PLCXD2: variants seen among roughly 807,000 people sequenced by gnomAD.
PLCXD2 encodes PI-PLC X domain-containing protein 2.
In PLCXD2, 21 loss-of-function variants were observed where a neutral mutation model predicts 28.6. That is an observed-to-expected ratio of 0.73 (90% CI 0.52 to 1.06). The LOEUF is 1.06. Among genes scored for constraint, PLCXD2 ranks in the 50% least tolerant of loss-of-function variants. The pLI, the probability that PLCXD2 is intolerant of heterozygous loss-of-function variation, is 0.00. For missense variants in PLCXD2, 369 were observed against 376.7 expected, an observed-to-expected ratio of 0.98 and a Z score of 0.17; for synonymous variants, 140 against 150.1, an observed-to-expected ratio of 0.93 and a Z score of 0.49.
At chr3:111,707,387 T>C (rs1336705348) in intron 1 of PLCXD2, among the ~76,000 whole-genome samples, 1 of 152,228 alleles carries the variant, frequency 6.6e-6, no homozygotes, top group Admixed American at 6.5e-5. Context: ...AATCCCTTTC[T>C]CGGCATTGTT....
At chr3:111,719,705 GA>G (rs993849182) in intron 3 of PLCXD2, among the ~76,000 whole-genome samples, 13 of 151,526 alleles carry the variant, frequency 8.6e-5, no homozygotes, top group East Asian at 1.9e-4. Context: ...ATCTACAGTG[GA>G]AAAAAAAATC....
intron 1 of PLCXD2, among the ~76,000 whole-genome samples, chr3:111,684,466 C>G (rs1940764364): frequency 6.6e-6 from 1 of 151,870 alleles, no homozygotes; most frequent in Non-Finnish European, 1.5e-5. Context: ...CTAGCCTGGC[C>G]AACATGGTGA....
chr3:111,696,474 C>T (rs953891413), intron 1 of PLCXD2, among the ~76,000 whole-genome samples: 2 of 152,012 alleles, frequency 1.3e-5, no homozygotes, highest in Non-Finnish European at 2.9e-5. Flanking sequence ...ATTAGGAAAA[C>T]TAAATTTGAC....
chr3:111,685,070 C>T (rs897170026), intron 1 of PLCXD2, among the ~76,000 whole-genome samples: 1 of 152,032 alleles, frequency 6.6e-6, no homozygotes, highest in Non-Finnish European at 1.5e-5. Context: ...ATTTGAGGCA[C>T]CTGTGGGACA....
In PLCXD2 at chr3:111,675,208, G is replaced by A; in HGVS notation, c.-38G>A. On this transcript the variant is annotated 5_prime_UTR_variant, in exon 1 of 5. Transcript: ENST00000477665. ...AGAAGTGATGATCACTGAGTGAGTG[G>A]CACTGGGCTGAGACTGGCCAGTTTG... The A allele has an allele frequency of 1.3e-6, 2 of 1,599,946 alleles. No individual in the cohort carries two copies. The highest frequency in any genetic ancestry group is 1.7e-6 in the Non-Finnish European group (2 of 1,170,092).
At chr3:111,718,519 AGATAGATAGATAGATT>A (rs754846239) in intron 3 of PLCXD2, among the ~76,000 whole-genome samples, 597 of 134,140 alleles carry the variant, frequency 4.5e-3, no homozygotes, top group Non-Finnish European at 5.2e-3. Flanking sequence ...ATAGATAGAT[AGATAGATAGATAGATT>A]GATTGATTTA....
chr3:111,678,609 G>A (rs994260604), intron 1 of PLCXD2, among the ~76,000 whole-genome samples: 1 of 152,152 alleles, frequency 6.6e-6, no homozygotes, highest in African/African-American at 2.4e-5. Context: ...ATTGGGAAGA[G>A]CCTTGAACTT....
intron 1 of PLCXD2, among the ~76,000 whole-genome samples, chr3:111,693,815 C>G (rs558883101): frequency 6.6e-6 from 1 of 152,222 alleles, no homozygotes; most frequent in South Asian, 2.1e-4. Flanking sequence ...CCTCCTTCAC[C>G]CCTTTGTGTG....
Position 111,712,084 on chromosome 3 carries a change from G to A in PLCXD2, c.625-1803G>A, listed in dbSNP as rs138168671. Reference sequence around the variant, plus strand: ...CAGATGCAAAACACAGGCCCTGAGTGACAGTTGCTGCACCTAGATCCCTGT... The same window carrying A: ...CAGATGCAAAACACAGGCCCTGAGTAACAGTTGCTGCACCTAGATCCCTGT... On this transcript the variant is annotated intron_variant, in intron 2 of 4. Coordinates refer to ENST00000477665, the MANE Select transcript of PLCXD2 (RefSeq NM_001185106.1). Among the ~76,000 whole-genome samples, 172 of 152,228 alleles carry A rather than the reference G, an allele frequency of 1.1e-3. 2 individuals carry two copies. The highest frequency in any genetic ancestry group is 3.7e-3 in the African/African-American group (152 of 41,544).
At chr3:111,718,008 C>T (rs1015336195) in intron 3 of PLCXD2, among the ~76,000 whole-genome samples, 3 of 151,300 alleles carry the variant, frequency 2.0e-5, no homozygotes, top group Admixed American at 6.6e-5. Flanking sequence ...TTTTACCACA[C>T]TTATCATATC....
At chr3:111,709,757 G>A (rs1941174313) in intron 2 of PLCXD2, among the ~76,000 whole-genome samples, 2 of 152,192 alleles carry the variant, frequency 1.3e-5, no homozygotes, top group South Asian at 2.1e-4. Context: ...TGTAGAGCAG[G>A]TGAAGACAGA....
intron 3 of PLCXD2, among the ~76,000 whole-genome samples, chr3:111,714,759 C>T (rs551692156): frequency 8.6e-5 from 13 of 152,024 alleles, no homozygotes; most frequent in African/African-American, 2.4e-4. Flanking sequence ...TATTTGTATG[C>T]GTGTTTGTGT....
In PLCXD2 at chr3:111,708,011, G is replaced by A. The variant is rs149378405; in HGVS notation, c.249G>A (p.Arg83=). Residue 83 remains arginine, a synonymous_variant, in exon 2 of 5, where the codon AGG becomes AGA. Coordinates refer to ENST00000477665, the MANE Select transcript of PLCXD2 (RefSeq NM_001185106.1). Reference sequence around the variant, plus strand: ...CCCAAGCTATCAAACGCCTCGCCAGGATCTCCTTGGTGAAGAAGCTAATGA... The same window carrying A: ...CCCAAGCTATCAAACGCCTCGCCAGAATCTCCTTGGTGAAGAAGCTAATGA... 735 of 1,614,172 alleles carry A rather than the reference G, an allele frequency of 4.6e-4. 2 individuals are homozygous for A. The African/African-American group carries it at 8.4e-3, about 18-fold the overall frequency.
intron 2 of PLCXD2, among the ~76,000 whole-genome samples, chr3:111,708,698 C>T (rs1261685702): frequency 1.3e-5 from 2 of 152,130 alleles, no homozygotes; most frequent in Non-Finnish European, 2.9e-5. Context: ...TCTCTGTTTC[C>T]CGAGGTCCAT....
rs5851776 is a variant in PLCXD2, at chr3:111,687,684, C to CT, written c.163+12290dup. 4.0e-3 allele frequency among the ~76,000 whole-genome samples: 553 copies of CT among 137,342 alleles called. 2 individuals carry two copies. Among genetic ancestry groups the CT allele is most frequent in the African/African-American group, 0.011 (407 of 38,226 alleles). 90.1% of individuals were successfully genotyped at this position (137,342 alleles called of 152,430 possible). On this transcript the variant is annotated intron_variant, in intron 1 of 4. Transcript: ENST00000477665. ...TTATGGGTTTTTTCTTTCTTTCTTT[C>CT]TTTTTTTTTTTTTTGTTTTTGAGAC... is the stretch of plus-strand genomic sequence containing the variant.
At chr3:111,718,948 T>A (rs2107873849) in intron 3 of PLCXD2, among the ~76,000 whole-genome samples, 1 of 152,326 alleles carries the variant, frequency 6.6e-6, no homozygotes, top group East Asian at 1.9e-4. Flanking sequence ...TAGGAAGCCT[T>A]TGATTAATAA....
At chr3:111,686,681 A>T (rs1434050516) in intron 1 of PLCXD2, among the ~76,000 whole-genome samples, 1 of 152,190 alleles carries the variant, frequency 6.6e-6, no homozygotes, top group Non-Finnish European at 1.5e-5. Flanking sequence ...TACAAATGTC[A>T]CATTTTTCTC....
intron 3 of PLCXD2, among the ~76,000 whole-genome samples, chr3:111,714,854 G>A (rs1559798266): frequency 6.6e-6 from 1 of 152,166 alleles, no homozygotes; most frequent in East Asian, 1.9e-4. Flanking sequence ...ATGTATAAAA[G>A]GAATGTTATA....
intron 3 of PLCXD2, among the ~76,000 whole-genome samples, chr3:111,714,887 T>G (rs1941248362): frequency 6.6e-6 from 1 of 152,218 alleles, no homozygotes; most frequent in Admixed American, 6.5e-5. Context: ...TAACAGGGAA[T>G]CCCTTGCAAT....
Sources: gnomAD v4.1 joint callset for allele counts (sites outside exome capture counted in the v4.1 genomes callset) on GRCh38, gnomAD v4.1.1 for gene constraint, MANE v1.5 for transcripts, NCBI Gene and HGNC (gene_info 2026-07-23, HGNC 2026-07-21) for gene names.